The following SMOC2 variants were observed in gnomAD, a reference collection of about 807,000 sequenced individuals.
SMOC2 encodes SPARC-related modular calcium-binding protein 2.
Under a neutral mutation model 61.4 loss-of-function variants are expected in SMOC2, and 39 were observed. The ratio of observed to expected loss-of-function variants is 0.64; its 90% confidence interval spans 0.49 to 0.83. The LOEUF is 0.83. SMOC2 is among the 40% of genes least tolerant of loss of function. The pLI is 0.00. For synonymous variants in SMOC2, 247 were observed against 239.9 expected, an observed-to-expected ratio of 1.03 and a Z score of -0.27; for missense variants, 556 against 592.9, an observed-to-expected ratio of 0.94 and a Z score of 0.65.
chr6:168,616,668 A>T, intron 9 of SMOC2, among the ~76,000 whole-genome samples: 1 of 152,238 alleles, frequency 6.6e-6, no homozygotes, highest in East Asian at 1.9e-4. Flanking sequence ...AGGAAATTGC[A>T]GTTTTTAGGA....
intron 4 of SMOC2, among the ~76,000 whole-genome samples, chr6:168,542,756 AT>A (rs1278217172): frequency 3.3e-5 from 5 of 152,144 alleles, no homozygotes; most frequent in Non-Finnish European, 7.3e-5. Flanking sequence ...CCACATTACT[AT>A]TGCATTTCCC....
At position 168,588,563 on chromosome 6, in the gene SMOC2, G is replaced by A. The variant is rs370131048; in HGVS notation, c.638-10255G>A. On this transcript the variant is annotated intron_variant, in intron 7 of 12. Transcript: ENST00000356284. ...AAAGATTTCAACACAGGAATTTTGA[G>A]GGGGCACAAACATTTGACCAGTGCA... 1.1e-4 allele frequency among the ~76,000 whole-genome samples: 17 copies of A among 152,316 alleles called. No homozygotes were observed. The East Asian group carries it at 3.3e-3, about 29-fold the overall frequency.
At chr6:168,633,765 T>A (rs753672510) in intron 9 of SMOC2, among the ~76,000 whole-genome samples, 4 of 152,120 alleles carry the variant, frequency 2.6e-5, no homozygotes, top group African/African-American at 4.8e-5. Flanking sequence ...AGTTTTTGTA[T>A]AGAGAGAGTA....
chr6:168,518,221 C>T (rs926901581), intron 2 of SMOC2, among the ~76,000 whole-genome samples: 12 of 152,224 alleles, frequency 7.9e-5, no homozygotes, highest in Admixed American at 1.3e-4. Context: ...CGGGCAGCAT[C>T]GACCTGTTCA....
At chr6:168,556,964 G>A (rs1460771790) in intron 7 of SMOC2, among the ~76,000 whole-genome samples, 1 of 151,724 alleles carries the variant, frequency 6.6e-6, no homozygotes, top group Non-Finnish European at 1.5e-5. Context: ...TGATGTTCAG[G>A]ACATCCCGCA....
rs573244427 is a variant in SMOC2 at position 168,570,546 on chromosome 6, C to T, written c.637+21343C>T. 3.9e-5 allele frequency among the ~76,000 whole-genome samples: 6 copies of T among 152,314 alleles called. No homozygotes were observed. In the East Asian group the frequency reaches 1.2e-3, roughly 29 times the overall value. On this transcript the variant is annotated intron_variant, in intron 7 of 12. Coordinates refer to ENST00000356284, the MANE Select transcript of SMOC2 (RefSeq NM_001166412.2). ...CCTGTGTTGTGTGTGGGATATATTTCACCTCTTTTGAAAAGTGTTGTCCAT... is the reference window on the plus strand; with the variant it reads ...CCTGTGTTGTGTGTGGGATATATTTTACCTCTTTTGAAAAGTGTTGTCCAT...
rs112585872 is a variant in SMOC2, at chr6:168,600,081, G to C, written c.824+1077G>C. 4.7e-3 allele frequency among the ~76,000 whole-genome samples: 722 copies of C among 152,230 alleles called. 6 individuals carry two copies. The highest frequency in any genetic ancestry group is 0.017 in the African/African-American group (689 of 41,530). On this transcript the variant is annotated intron_variant, in intron 8 of 12. Coordinates refer to ENST00000356284, the MANE Select transcript of SMOC2 (RefSeq NM_001166412.2). ...TGGCGATCACCCAACGCTGGGTGAT[G>C]CTCTGCTCTTGTGCATGAGCTGCCT...
In SMOC2 at chr6:168,604,262, G is replaced by C. The variant is rs115728981; in HGVS notation, c.825-3895G>C. On this transcript the variant is annotated intron_variant, in intron 8 of 12. Coordinates refer to ENST00000356284, the MANE Select transcript of SMOC2 (RefSeq NM_001166412.2). Reference sequence around the variant, plus strand: ...CCAAAAATCCCTTCCCTAGAATTCTGCTAGCAAATTTAATTCATGGATCAT... The same window carrying C: ...CCAAAAATCCCTTCCCTAGAATTCTCCTAGCAAATTTAATTCATGGATCAT... 9.0e-3 allele frequency among the ~76,000 whole-genome samples: 1,371 copies of C among 152,270 alleles called. 20 individuals carry two copies. The highest frequency in any genetic ancestry group is 0.031 in the African/African-American group (1,273 of 41,558).
chr6:168,505,314 C>A (rs1782846567), intron 1 of SMOC2, among the ~76,000 whole-genome samples: 1 of 151,704 alleles, frequency 6.6e-6, no homozygotes, highest in African/African-American at 2.4e-5. Context: ...CTCTCAGATG[C>A]TGGATGAATG....
intron 7 of SMOC2, among the ~76,000 whole-genome samples, chr6:168,581,678 C>T (rs188529063): frequency 7.7e-4 from 118 of 152,348 alleles, no homozygotes; most frequent in African/African-American, 2.6e-3. Flanking sequence ...TTATTAATGT[C>T]GGATGCACCT....
At chr6:168,552,568 G>T (rs1383359726) in intron 7 of SMOC2, among the ~76,000 whole-genome samples, 1 of 152,150 alleles carries the variant, frequency 6.6e-6, no homozygotes, top group Non-Finnish European at 1.5e-5. Context: ...CATAGAATAT[G>T]GTTGCCATGC....
Position 168,441,395 on chromosome 6 carries a change from C to T in SMOC2, c.25C>T (p.Leu9=), listed in dbSNP as rs1367913924. The change falls in exon 1 of 13, where the codon CTG becomes TTG. Residue 9 remains leucine (L), a synonymous_variant. Coordinates refer to ENST00000356284, the MANE Select transcript of SMOC2 (RefSeq NM_001166412.2). MLLPQLCW[L]PLLAGLLPPV... Reference sequence around the variant, plus strand: ...CATGCTGCTCCCCCAGCTCTGCTGGCTGCCGCTGCTCGCTGGGCTGCTCCC... The same window carrying T: ...CATGCTGCTCCCCCAGCTCTGCTGGTTGCCGCTGCTCGCTGGGCTGCTCCC... 6.0e-6 allele frequency: 9 copies of T among 1,509,180 alleles called. No homozygotes were observed. The Admixed American group carries it at 1.3e-4, about 21-fold the overall frequency. The allele number at this position is 1,509,180 out of a possible 1,614,324, so 93.5% of individuals were successfully genotyped here. A position where few individuals can be genotyped will look rare whatever the true frequency, so the allele number is the denominator to read the frequency against.
chr6:168,514,258 A>T (rs1328341834), intron 2 of SMOC2, among the ~76,000 whole-genome samples: 1 of 152,226 alleles, frequency 6.6e-6, no homozygotes, highest in Non-Finnish European at 1.5e-5. Flanking sequence ...CACAGCGCCC[A>T]CCAAGAACAG....
chr6:168,626,871 C>T (rs747438981), intron 9 of SMOC2, among the ~76,000 whole-genome samples: 1 of 152,120 alleles, frequency 6.6e-6, no homozygotes, highest in Non-Finnish European at 1.5e-5. Flanking sequence ...TGATAGAGAC[C>T]CGGGGCCCTG....
chr6:168,523,079 A>ATTCTTTTTTTTTTTTTTTTTTTTTT (rs551183247), intron 2 of SMOC2, among the ~76,000 whole-genome samples: 1 of 93,664 alleles, frequency 1.1e-5, no homozygotes, highest in African/African-American at 3.3e-5. Context: ...TTGTACAGTA[A>ATTCTTTTTTTTTTTTTTTTTTTTTT]TTTTTTTTTT....
chr6:168,461,200 A>G (rs1034435661), intron 1 of SMOC2, among the ~76,000 whole-genome samples: 1 of 152,110 alleles, frequency 6.6e-6, no homozygotes, highest in African/African-American at 2.4e-5. Context: ...CCCGTTTTAA[A>G]TCCATCAGAT....
At chr6:168,573,302 C>T (rs6907368) in intron 7 of SMOC2, among the ~76,000 whole-genome samples, 9 of 41,132 alleles carry the variant, frequency 2.2e-4, no homozygotes, top group South Asian at 1.2e-3. Context: ...TCCCCGCATC[C>T]CCGGGTGCCG....
intron 1 of SMOC2, among the ~76,000 whole-genome samples, chr6:168,463,958 A>G (rs999310713): frequency 1.3e-5 from 2 of 152,132 alleles, no homozygotes; most frequent in African/African-American, 4.8e-5. Flanking sequence ...TGGGAGGCCT[A>G]GGCAGGTGGA....
At chr6:168,620,267 T>G (rs1316583911) in intron 9 of SMOC2, among the ~76,000 whole-genome samples, 2 of 152,254 alleles carry the variant, frequency 1.3e-5, no homozygotes, top group African/African-American at 4.8e-5. Context: ...TAAGACTGCA[T>G]GGTGCCTTCT....
Sources: allele counts gnomAD v4.1 joint callset (sites outside exome capture counted in the v4.1 genomes callset), GRCh38; gene constraint gnomAD v4.1.1; transcripts MANE v1.5; gene names NCBI Gene and HGNC (gene_info 2026-07-23, HGNC 2026-07-21).